Variants in TBC1D9 observed in about 807,000 individuals in gnomAD.
TBC1D9 encodes TBC1 domain family member 9.
In TBC1D9, 63 loss-of-function variants were observed where a neutral mutation model predicts 132.0. The observed-to-expected ratio is 0.48, with a 90% CI of 0.39 to 0.59. TBC1D9 has a LOEUF of 0.59. Among genes scored for constraint, TBC1D9 ranks in the 20% least tolerant of loss-of-function variants. The pLI, the probability that TBC1D9 is intolerant of heterozygous loss-of-function variation, is 0.00. For synonymous variants in TBC1D9, 610 were observed against 609.9 expected, an observed-to-expected ratio of 1.00 and a Z score of 0.00; for missense variants, 1,261 against 1,592.7, an observed-to-expected ratio of 0.79 and a Z score of 3.54.
intron 18 of TBC1D9, among the ~76,000 whole-genome samples, chr4:140,626,141 T>C (rs1736707300): frequency 1.3e-5 from 2 of 152,218 alleles, no homozygotes; most frequent in African/African-American, 4.8e-5. Context: ...CTGCTAATGG[T>C]ATTAGGTTGG....
intron 1 of TBC1D9, among the ~76,000 whole-genome samples, chr4:140,739,054 C>T (rs774346787): frequency 4.0e-5 from 6 of 151,588 alleles, no homozygotes; most frequent in Non-Finnish European, 8.8e-5. Context: ...CTCTTGCTGC[C>T]CAGGCTGGAG....
At chr4:140,653,566 TA>T (rs1007384656) in intron 13 of TBC1D9, among the ~76,000 whole-genome samples, 30 of 149,948 alleles carry the variant, frequency 2.0e-4, no homozygotes, top group East Asian at 7.8e-4. Flanking sequence ...AAGCTTAGCT[TA>T]AAAAAAAAAT....
At chr4:140,628,153 T>C (rs1736736996) in intron 17 of TBC1D9, 147 bp downstream of exon 17, 2 of 656,366 alleles carry the variant, frequency 3.0e-6, no homozygotes, top group Non-Finnish European at 5.4e-6. Context: ...CAAGAACTTA[T>C]GGAAATTGTC....
At chr4:140,751,726 T>TAC (rs1159102641) in intron 1 of TBC1D9, among the ~76,000 whole-genome samples, 1 of 152,196 alleles carries the variant, frequency 6.6e-6, no homozygotes, top group African/African-American at 2.4e-5. Flanking sequence ...ATTTTTTAAA[T>TAC]TTCTACAAGT....
At chr4:140,640,851 C>T (rs1736976685) in intron 13 of TBC1D9, among the ~76,000 whole-genome samples, 1 of 141,562 alleles carries the variant, frequency 7.1e-6, no homozygotes, top group Admixed American at 6.8e-5. Context: ...TATTCCACTA[C>T]TAAGTATATA....
At chr4:140,647,888 A>G (rs1737126142) in intron 13 of TBC1D9, among the ~76,000 whole-genome samples, 1 of 151,986 alleles carries the variant, frequency 6.6e-6, no homozygotes, top group South Asian at 2.1e-4. Flanking sequence ...AACAATTAGA[A>G]TGACATGGGG....
At chr4:140,721,515 G>C (rs952043156) in intron 1 of TBC1D9, among the ~76,000 whole-genome samples, 2 of 152,156 alleles carry the variant, frequency 1.3e-5, no homozygotes, top group African/African-American at 2.4e-5. Context: ...CGATGCATCA[G>C]CTTCTAGGAT....
chr4:140,706,998 G>A lies in TBC1D9; in HGVS notation c.131-5384C>T, dbSNP rs1351063464. On this transcript the variant is annotated intron_variant, in intron 1 of 20. Coordinates refer to ENST00000442267, the MANE Select transcript of TBC1D9 (RefSeq NM_015130.3). The surrounding 1 kb of genome is among the most constrained non-coding windows in gnomAD (Gnocchi z 4.0). ...CACCTAAGCACATTTCTTTAGAATGGAATTGTCAGGTCCTAGGGTAAGTTC... is the reference window on the plus strand; with the variant it reads ...CACCTAAGCACATTTCTTTAGAATGAAATTGTCAGGTCCTAGGGTAAGTTC... Among the ~76,000 whole-genome samples the A allele has an allele frequency of 6.6e-6, 1 of 152,080 alleles. No individual in the cohort carries two copies. The highest frequency in any genetic ancestry group is 1.5e-5 in the Non-Finnish European group (1 of 68,004).
chr4:140,653,428 G>C (rs1312301339), intron 13 of TBC1D9, among the ~76,000 whole-genome samples: 1 of 152,132 alleles, frequency 6.6e-6, no homozygotes, highest in African/African-American at 2.4e-5. Flanking sequence ...CCAGCGCAGT[G>C]AATCTCAACC....
chr4:140,666,342 T>C (rs1358702745), intron 9 of TBC1D9, among the ~76,000 whole-genome samples: 7 of 152,202 alleles, frequency 4.6e-5, no homozygotes, highest in Admixed American at 2.0e-4. Context: ...TATATTTATT[T>C]TCCTTTTTTT....
chr4:140,667,387 C>A (rs1260275338), intron 9 of TBC1D9, among the ~76,000 whole-genome samples: 1 of 152,162 alleles, frequency 6.6e-6, no homozygotes, highest in African/African-American at 2.4e-5. Flanking sequence ...ACTTAAAATG[C>A]AGCTATAAAT....
chr4:140,742,504 C>A (rs574121634), intron 1 of TBC1D9, among the ~76,000 whole-genome samples: 4 of 137,352 alleles, frequency 2.9e-5, no homozygotes, highest in Non-Finnish European at 4.5e-5. Flanking sequence ...TGCATTCCAG[C>A]CTGGGCAACA....
chr4:140,734,312 T>C (rs899990027), intron 1 of TBC1D9, among the ~76,000 whole-genome samples: 2 of 152,112 alleles, frequency 1.3e-5, no homozygotes, highest in Non-Finnish European at 1.5e-5. Flanking sequence ...ATATTTGTTG[T>C]AGAGATGGGG....
intron 13 of TBC1D9, chr4:140,643,490 G>A: frequency 2.3e-6 from 2 of 875,168 alleles, no homozygotes; most frequent in Non-Finnish European, 3.8e-6. Context: ...GCACAGGCAC[G>A]GCCTCCCGGG....
At chr4:140,625,428 A>G (rs929520681) in intron 18 of TBC1D9, among the ~76,000 whole-genome samples, 2 of 152,190 alleles carry the variant, frequency 1.3e-5, no homozygotes, top group African/African-American at 4.8e-5. Context: ...GAGGTGTACA[A>G]TGCCCTCAGT....
chr4:140,755,915 C>T lies in TBC1D9; in HGVS notation c.130+1G>A. The T allele has an allele frequency of 6.4e-7, 1 of 1,558,302 alleles. No individual in the cohort carries two copies. The highest frequency in any genetic ancestry group is 1.2e-5 in the South Asian group (1 of 85,042). ...CTGCAGGGATCGGCCACGGTCCTTACCCGCCAGTCCGCCGCCGCCGCCTCC... is the reference window on the plus strand; with the variant it reads ...CTGCAGGGATCGGCCACGGTCCTTATCCGCCAGTCCGCCGCCGCCGCCTCC... On this transcript the variant is annotated splice_donor_variant, in intron 1 of 20. Transcript: ENST00000442267. LOFTEE classifies it high-confidence loss of function.
chr4:140,756,130 C>T lies in TBC1D9; in HGVS notation c.-85G>A. 8.5e-7 allele frequency: 1 copy of T among 1,172,410 alleles called. No homozygotes were observed. The highest frequency in any genetic ancestry group is 1.1e-6 in the Non-Finnish European group (1 of 894,464). The allele number at this position is 1,172,410 out of a possible 1,614,324, so 72.6% of individuals were successfully genotyped here. On this transcript the variant is annotated 5_prime_UTR_variant, in exon 1 of 21. Coordinates refer to ENST00000442267, the MANE Select transcript of TBC1D9 (RefSeq NM_015130.3). The surrounding 1 kb of genome is among the most constrained non-coding windows in gnomAD (Gnocchi z 5.6). ...ACCGCGACAGGCGCGCACTCCTGGG[C>T]ACACGCGCGCCCGCCCGCCCGTCCG... is the stretch of plus-strand genomic sequence containing the variant.
intron 1 of TBC1D9, among the ~76,000 whole-genome samples, chr4:140,751,455 T>G (rs1738922178): frequency 1.3e-5 from 2 of 152,134 alleles, no homozygotes; most frequent in South Asian, 4.1e-4. Flanking sequence ...TCTGTACATG[T>G]TAAGGTGGGG....
intron 1 of TBC1D9, among the ~76,000 whole-genome samples, chr4:140,702,144 T>C (rs537173704): frequency 1.3e-5 from 2 of 152,220 alleles, no homozygotes; most frequent in Non-Finnish European, 2.9e-5. Flanking sequence ...AACCAGAGCC[T>C]GGTTTATGCT....
Sources: allele counts gnomAD v4.1 joint callset (sites outside exome capture counted in the v4.1 genomes callset), GRCh38; gene constraint gnomAD v4.1.1; non-coding constraint Gnocchi (gnomAD v3.1); transcripts MANE v1.5; gene names NCBI Gene and HGNC (gene_info 2026-07-23, HGNC 2026-07-21).